The following PIEZO2 variants were observed in gnomAD, a reference collection of about 807,000 sequenced individuals.
PIEZO2 encodes the protein piezo-type mechanosensitive ion channel component 2.
A neutral mutation model predicts 337.3 loss-of-function variants in PIEZO2; 172 were observed. The ratio of observed to expected loss-of-function variants is 0.51; its 90% CI spans 0.45 to 0.58. The LOEUF is 0.58. Ranked by LOEUF, PIEZO2 falls within the 20% of genes least tolerant of loss-of-function variation. The pLI is 0.00. For missense variants in PIEZO2, 3,028 were observed against 3,391.3 expected (o/e 0.89, Z 2.66); for synonymous variants, 1,251 against 1,228.5 (o/e 1.02, Z -0.38).
rs1773515877 is a variant in PIEZO2 at position 10,929,496 on chromosome 18, A to C, written c.287-18268T>G. Among the ~76,000 whole-genome samples, 1 of 152,192 alleles carries C rather than the reference A, an allele frequency of 6.6e-6. No homozygotes were observed. The highest frequency in any genetic ancestry group is 2.4e-5 in the African/African-American group (1 of 41,450). ...TGCCAGTTGCTTGCTGTAAACAAAA[A>C]TTTTGCATTTCAAAAGTTGCATGTT... On this transcript the variant is annotated intron_variant, in intron 3 of 55. Transcript: ENST00000674853. This position sits in a 1 kb window ranked among gnomAD's most constrained non-coding sequence, Gnocchi z 5.6.
chr18:11,129,781 G>A lies in PIEZO2; in HGVS notation c.64+18744C>T, dbSNP rs903906799. Among the ~76,000 whole-genome samples, 3 of 152,180 alleles carry A rather than the reference G, an allele frequency of 2.0e-5. No homozygotes were observed. Among genetic ancestry groups the A allele is most frequent in the African/African-American group, 7.2e-5 (3 of 41,456 alleles). On this transcript the variant is annotated intron_variant, in intron 1 of 55. Transcript: ENST00000674853. The surrounding 1 kb of genome is among the most constrained non-coding windows in gnomAD (Gnocchi z 4.6). ...GGACTACTGGCTCTGGCTCTGAGCT[G>A]ACGTTGGATCCAGGGGACCCAAAAT...
chr18:10,826,085 C>T (rs1234347201), intron 7 of PIEZO2, among the ~76,000 whole-genome samples: 1 of 152,140 alleles, frequency 6.6e-6, no homozygotes, highest in Non-Finnish European at 1.5e-5. Flanking sequence ...ATTATTCCAT[C>T]TTTGACCACT....
chr18:11,059,206 T>G (rs1568337741), intron 2 of PIEZO2, among the ~76,000 whole-genome samples: 1 of 145,288 alleles, frequency 6.9e-6, no homozygotes, highest in Non-Finnish European at 1.5e-5. Context: ...AAGCAAATGC[T>G]GAGAGATTTC....
chr18:10,734,756 T>C (rs6505586), intron 35 of PIEZO2, among the ~76,000 whole-genome samples: 3,925 of 152,242 alleles, frequency 0.026, 168 homozygotes, highest in African/African-American at 0.09. Flanking sequence ...AGGAAGAAGC[T>C]GGCTGTACCG....
At chr18:11,056,833 A>G (rs546912640) in intron 2 of PIEZO2, among the ~76,000 whole-genome samples, 14 of 152,266 alleles carry the variant, frequency 9.2e-5, no homozygotes, top group African/African-American at 2.9e-4. Flanking sequence ...CCACAAACCT[A>G]GGATAGATGC....
At chr18:10,989,202 A>G (rs2034997087) in intron 2 of PIEZO2, among the ~76,000 whole-genome samples, 1 of 152,082 alleles carries the variant, frequency 6.6e-6, no homozygotes, top group South Asian at 2.1e-4. Flanking sequence ...CTATCATCAA[A>G]ACTCATTGAA....
intron 36 of PIEZO2, chr18:10,725,578 G>A: frequency 2.2e-6 from 3 of 1,363,086 alleles, no homozygotes; most frequent in Non-Finnish European, 3.0e-6. Context: ...TCCCTCCTGA[G>A]GTCGGGGCTT....
At chr18:10,891,064 G>A (rs2042741120) in intron 4 of PIEZO2, among the ~76,000 whole-genome samples, 1 of 152,188 alleles carries the variant, frequency 6.6e-6, no homozygotes, top group African/African-American at 2.4e-5. Context: ...TGGAAGCGGT[G>A]GCTCACGCCT....
intron 3 of PIEZO2, among the ~76,000 whole-genome samples, chr18:10,921,141 G>T (rs571892447): frequency 1.3e-5 from 2 of 152,132 alleles, no homozygotes; most frequent in Non-Finnish European, 2.9e-5. Flanking sequence ...TTGATTACAG[G>T]TGATCATTCA....
At chr18:10,956,607 G>A (rs2033533691) in intron 3 of PIEZO2, among the ~76,000 whole-genome samples, 1 of 152,160 alleles carries the variant, frequency 6.6e-6, no homozygotes, top group Admixed American at 6.5e-5. Flanking sequence ...AAGCCTGGAG[G>A]CATCACATTC....
chr18:10,700,098 A>T (rs1459694736), intron 43 of PIEZO2, among the ~76,000 whole-genome samples: 2 of 152,144 alleles, frequency 1.3e-5, no homozygotes, highest in African/African-American at 4.8e-5. Flanking sequence ...AGCTTTTCGT[A>T]ATGGGATTTT....
At chr18:11,062,520 G>GTT (rs1350930181) in intron 2 of PIEZO2, among the ~76,000 whole-genome samples, 4 of 151,972 alleles carry the variant, frequency 2.6e-5, no homozygotes, top group Non-Finnish European at 5.9e-5. Context: ...TCTGACAAAG[G>GTT]GCTAATATCC....
chr18:10,886,904 AG>A (rs1367569971), intron 4 of PIEZO2, among the ~76,000 whole-genome samples: 1 of 152,018 alleles, frequency 6.6e-6, no homozygotes, highest in Non-Finnish European at 1.5e-5. Context: ...ACGGTTCTGA[AG>A]GCTTTACAGG....
rs2041889653 is a variant in PIEZO2, at chr18:10,862,117, G to T, written c.493-4906C>A. Reference sequence around the variant, plus strand: ...CAAATAAATAATAAGTATTTGAGATGATGAATATGCTAATTAGCCTGATTT... The same window carrying T: ...CAAATAAATAATAAGTATTTGAGATTATGAATATGCTAATTAGCCTGATTT... On this transcript the variant is annotated intron_variant, in intron 5 of 55. Coordinates refer to ENST00000674853, the MANE Select transcript of PIEZO2 (RefSeq NM_001378183.1). The surrounding 1 kb of genome is among the most constrained non-coding windows in gnomAD (Gnocchi z 4.4). Among the ~76,000 whole-genome samples the T allele has an allele frequency of 6.6e-6, 1 of 152,106 alleles. No individual in the cohort carries two copies. Among genetic ancestry groups the T allele is most frequent in the South Asian group, 2.1e-4 (1 of 4,826 alleles).
chr18:10,987,834 T>C (rs2034938371), intron 2 of PIEZO2, among the ~76,000 whole-genome samples: 1 of 151,852 alleles, frequency 6.6e-6, no homozygotes, highest in African/African-American at 2.4e-5. Context: ...AAAGAACAAC[T>C]GAATAATGAA....
intron 45 of PIEZO2, 118 bp downstream of exon 45, chr18:10,697,630 G>T (rs757208824): frequency 3.7e-6 from 5 of 1,341,574 alleles, no homozygotes; most frequent in African/African-American, 1.5e-5. Flanking sequence ...TCTGCCTTAC[G>T]CAGATAACAT....
chr18:10,885,313 A>G (rs1334652962), intron 4 of PIEZO2, among the ~76,000 whole-genome samples: 2 of 152,130 alleles, frequency 1.3e-5, no homozygotes, highest in African/African-American at 4.8e-5. Context: ...AGTCCTAGCT[A>G]CTCAGGAGGC....
At chr18:10,999,884 G>T (rs1279419166) in intron 2 of PIEZO2, among the ~76,000 whole-genome samples, 1 of 152,154 alleles carries the variant, frequency 6.6e-6, no homozygotes, top group African/African-American at 2.4e-5. Flanking sequence ...ACACCTATGA[G>T]CTGGGAAGAA....
Position 10,795,350 on chromosome 18 carries a change from TA to T in PIEZO2, c.1528-349del. Among the ~76,000 whole-genome samples the T allele has an allele frequency of 1.8e-4, 1 of 5,480 alleles. No homozygotes were observed. Among genetic ancestry groups the T allele is most frequent in the African/African-American group, 5.0e-4 (1 of 1,992 alleles). The allele number at this position is 5,480 out of a possible 152,430, so 3.6% of individuals were successfully genotyped here. A position where few individuals can be genotyped will look rare whatever the true frequency, so the allele number is the denominator to read the frequency against. On this transcript the variant is annotated intron_variant, in intron 12 of 55. Coordinates refer to ENST00000674853, the MANE Select transcript of PIEZO2 (RefSeq NM_001378183.1). The surrounding 1 kb of genome is among the most constrained non-coding windows in gnomAD (Gnocchi z 4.4). Reference sequence around the variant, plus strand: ...TATTTTATTTTATTTTATTTTATTTTATTATTTTATTTTATTTTATTTTATT... The same window carrying T: ...TATTTTATTTTATTTTATTTTATTTTTTATTTTATTTTATTTTATTTTATT...
Sources: gnomAD v4.1 joint callset for allele counts (sites outside exome capture counted in the v4.1 genomes callset) on GRCh38, gnomAD v4.1.1 for gene constraint, Gnocchi (gnomAD v3.1) non-coding constraint, MANE v1.5 for transcripts, NCBI Gene and HGNC (gene_info 2026-07-23, HGNC 2026-07-21) for gene names.